MIPOL1: variants seen among roughly 807,000 people sequenced by gnomAD.
MIPOL1 encodes mirror-image polydactyly 1.
MIPOL1 carries 57 observed loss-of-function variants against 60.9 expected under a neutral mutation model. The observed-to-expected ratio is 0.94, with a 90% confidence interval of 0.76 to 1.17. The LOEUF is 1.17. Ranked by LOEUF, MIPOL1 falls within the 50% of genes most tolerant of loss-of-function variation. The probability of loss-of-function intolerance (pLI) is 0.00; values close to 1 mark genes in which losing one functional copy is unlikely to be tolerated. For synonymous variants in MIPOL1, 179 were observed against 168.8 expected, an observed-to-expected ratio of 1.06 and a Z score of -0.47; for missense variants, 551 against 511.6, an observed-to-expected ratio of 1.08 and a Z score of -0.74.
chr14:37,504,395 C>CA (rs1356077809), intron 12 of MIPOL1: 2 of 152,004 alleles, frequency 1.3e-5, no homozygotes, highest in Admixed American at 6.6e-5. Context: ...ATAGAAATCA[C>CA]AAAAAACTGT....
intron 1 of MIPOL1, among the ~76,000 whole-genome samples, chr14:37,238,672 C>T (rs1195995176): frequency 1.3e-5 from 2 of 151,764 alleles, no homozygotes; most frequent in Non-Finnish European, 2.9e-5. Flanking sequence ...TATTCAGGGC[C>T]GGGTGCAGTG....
intron 1 of MIPOL1, 58 bp from the exon 2 acceptor site, chr14:37,247,045 A>G (rs1973303819): frequency 6.6e-6 from 1 of 152,514 alleles, no homozygotes; most frequent in African/African-American, 2.4e-5. Flanking sequence ...TATGTAGGGA[A>G]ATGGCTTCAT....
At chr14:37,368,829 C>T (rs2092556797) in intron 9 of MIPOL1, among the ~76,000 whole-genome samples, 3 of 151,976 alleles carry the variant, frequency 2.0e-5, no homozygotes, top group Admixed American at 6.6e-5. Context: ...TCTATTGGCT[C>T]ATTGAAACTT....
At chr14:37,478,004 A>G (rs756988616) in intron 11 of MIPOL1, among the ~76,000 whole-genome samples, 1 of 152,254 alleles carries the variant, frequency 6.6e-6, no homozygotes, top group Non-Finnish European at 1.5e-5. Flanking sequence ...AAGAAAAAGA[A>G]GAAGCGTTTA....
At chr14:37,299,084 T>A (rs2086093791) in intron 7 of MIPOL1, among the ~76,000 whole-genome samples, 2 of 152,144 alleles carry the variant, frequency 1.3e-5, no homozygotes, top group African/African-American at 4.8e-5. Flanking sequence ...TAAGAAAATG[T>A]GGCACATATA....
intron 3 of MIPOL1, among the ~76,000 whole-genome samples, 166 bp downstream of exon 3, chr14:37,248,073 A>C (rs1037250941): frequency 1.3e-5 from 2 of 152,042 alleles, no homozygotes; most frequent in African/African-American, 4.8e-5. Context: ...AAAGAGATAC[A>C]AAGAAAGACA....
chr14:37,469,614 C>T (rs2094650759), intron 11 of MIPOL1, among the ~76,000 whole-genome samples: 1 of 152,098 alleles, frequency 6.6e-6, no homozygotes, highest in Non-Finnish European at 1.5e-5. Context: ...TTGAATGTGT[C>T]CCCCAGAAGT....
Position 37,509,544 on chromosome 14 carries a change from C to T in MIPOL1, c.1262+9406C>T, listed in dbSNP as rs76986051. Among the ~76,000 whole-genome samples the T allele has an allele frequency of 0.011, 1,693 of 151,568 alleles. 64 individuals carry two copies. In the East Asian group the frequency reaches 0.14, roughly 12 times the overall value. On this transcript the variant is annotated intron_variant, in intron 12 of 12. Transcript: ENST00000684589. ...GGGTGCTGGCAAGAGGAACAGAGCA[C>T]GTTTCTACAGTTTCTCAATTTTAGA... is the stretch of plus-strand genomic sequence containing the variant.
chr14:37,356,181 C>G (rs1309629993), intron 9 of MIPOL1, among the ~76,000 whole-genome samples: 2 of 151,722 alleles, frequency 1.3e-5, no homozygotes, highest in East Asian at 2.0e-4. Flanking sequence ...AGGTGTCAGT[C>G]TGTCCCTGCT....
intron 6 of MIPOL1, among the ~76,000 whole-genome samples, chr14:37,279,715 C>T (rs2083949803): frequency 6.6e-6 from 1 of 151,986 alleles, no homozygotes; most frequent in South Asian, 2.1e-4. Context: ...TGTTTCAGTA[C>T]ATGTACATAC....
At chr14:37,304,265 A>AG (rs2086592726) in intron 7 of MIPOL1, among the ~76,000 whole-genome samples, 1 of 151,642 alleles carries the variant, frequency 6.6e-6, no homozygotes, top group Admixed American at 6.6e-5. Flanking sequence ...TCTCTGTTAC[A>AG]GTGTCTGCTT....
intron 1 of MIPOL1, among the ~76,000 whole-genome samples, chr14:37,215,875 C>T (rs1967570416): frequency 6.6e-6 from 1 of 152,036 alleles, no homozygotes; most frequent in African/African-American, 2.4e-5. Context: ...CGAGAGCAGC[C>T]TGGCCGATGT....
chr14:37,369,225 AG>A (rs1161818328), intron 9 of MIPOL1, among the ~76,000 whole-genome samples: 1 of 152,116 alleles, frequency 6.6e-6, no homozygotes, highest in Admixed American at 6.6e-5. Context: ...ATTTGGTCAA[AG>A]AAGTAAATAA....
chr14:37,241,444 T>C (rs1972335612), intron 1 of MIPOL1, among the ~76,000 whole-genome samples: 1 of 151,922 alleles, frequency 6.6e-6, no homozygotes, highest in East Asian at 1.9e-4. Flanking sequence ...TAGGCTAGGT[T>C]CAGTGACTCA....
intron 9 of MIPOL1, among the ~76,000 whole-genome samples, chr14:37,337,352 ATATATTTTTTTTTTTTTTTT>A (rs2090227426): frequency 2.8e-5 from 1 of 35,458 alleles, no homozygotes; most frequent in Non-Finnish European, 4.4e-5. Context: ...ATATATATAT[ATATATTTTTTTTTTTTTTTT>A]TTTTTTTTTT....
At chr14:37,445,177 C>T (rs1646175909) in intron 11 of MIPOL1, among the ~76,000 whole-genome samples, 1 of 151,910 alleles carries the variant, frequency 6.6e-6, no homozygotes, top group Admixed American at 6.6e-5. Context: ...CTAGAAAACC[C>T]CATTGTCTCA....
chr14:37,312,199 C>G (rs2087402845), intron 9 of MIPOL1, among the ~76,000 whole-genome samples: 1 of 152,106 alleles, frequency 6.6e-6, no homozygotes, highest in African/African-American at 2.4e-5. Context: ...CCTCTGCCTC[C>G]TGGGTTCAAG....
rs553181844 is a variant in MIPOL1 at position 37,424,811 on chromosome 14, CTCTG to C, written c.1031+1866_1031+1869del. Among the ~76,000 whole-genome samples, 779 of 152,292 alleles carry C rather than the reference CTCTG, an allele frequency of 5.1e-3. 9 individuals carry two copies. Among genetic ancestry groups the C allele is most frequent in the African/African-American group, 0.018 (747 of 41,570 alleles). Reference sequence around the variant, plus strand: ...TATAAAATGAATATTACACTCTTTCCTCTGTCTTTTACACCAATGACTCTCAACT... The same window carrying C: ...TATAAAATGAATATTACACTCTTTCCTCTTTTACACCAATGACTCTCAACT... On this transcript the variant is annotated intron_variant, in intron 11 of 12. Coordinates refer to ENST00000684589, the MANE Select transcript of MIPOL1 (RefSeq NM_001388067.1).
At chr14:37,365,066 C>A (rs1305565204) in intron 9 of MIPOL1, among the ~76,000 whole-genome samples, 1 of 152,106 alleles carries the variant, frequency 6.6e-6, no homozygotes, top group African/African-American at 2.4e-5. Context: ...ATCCTGCAAC[C>A]TTACTGAATT....
Sources: allele counts gnomAD v4.1 joint callset (sites outside exome capture counted in the v4.1 genomes callset), GRCh38; gene constraint gnomAD v4.1.1; transcripts MANE v1.5; gene names NCBI Gene and HGNC (gene_info 2026-07-23, HGNC 2026-07-21).